Variants in ZNF469 observed in about 807,000 individuals in gnomAD.
ZNF469 encodes zinc finger protein 469.
A neutral mutation model predicts 1.0 loss-of-function variants in ZNF469; 1 was observed. The ratio of observed to expected loss-of-function variants is 1.00; its 90% CI spans 0.35 to 4.73. ZNF469 has a LOEUF of 4.73. Ranked by LOEUF, ZNF469 falls within the 30% of genes most tolerant of loss-of-function variation. The pLI, the probability that ZNF469 is intolerant of heterozygous loss-of-function variation, is 0.16. For missense variants in ZNF469, 6,100 were observed against 5,356.3 expected (o/e 1.14, Z -4.33); for synonymous variants, 2,703 against 2,363.4 (o/e 1.14, Z -4.17).
Position 88,429,015 on chromosome 16 carries a change from G to T in ZNF469, c.1545G>T (p.Gly515=), listed in dbSNP as rs1262821202. ...CCGCGGGGGGCCCCGAGTGGCAGGG[G>T]GGCAGCCAAGGAGCCCTGGGCACTG... The part of the protein sequence containing the change: ...PFPAGGPEWQ[G]GSQGALGTAG... The change falls in exon 3 of 3, where the codon GGG becomes GGT. Residue 515 remains glycine, a synonymous_variant. Transcript: ENST00000565624. 5 of 1,549,294 alleles carry T rather than the reference G, an allele frequency of 3.2e-6. No homozygotes were observed. The highest frequency in any genetic ancestry group is 3.5e-6 in the Non-Finnish European group (4 of 1,146,800).
chr16:88,275,571 C>G, the ZNF469 span, among the ~76,000 whole-genome samples: 1 of 152,218 alleles, frequency 6.6e-6, no homozygotes, highest in Non-Finnish European at 1.5e-5. Context: ...CCTTCCACCT[C>G]TGTCATCACC....
the ZNF469 span, among the ~76,000 whole-genome samples, chr16:88,327,601 A>G: frequency 6.6e-6 from 1 of 152,076 alleles, no homozygotes; most frequent in Non-Finnish European, 1.5e-5. Flanking sequence ...GCAGCAGGAC[A>G]GGGCACGTGC....
rs929337545 is a variant in ZNF469, at chr16:88,433,741, G to A, written c.6271G>A (p.Gly2091Ser). The part of the protein sequence containing the change: ...GRTPERASSP[G>S]LNKPLLATGD... ...GACTCCAGAGAGGGCGTCCAGCCCC[G>A]GCCTGAACAAGCCACTGCTGGCCAC... Residue 2091 changes from glycine (G) to serine (S), a missense_variant, in exon 3 of 3, where the codon GGC (glycine) becomes AGC (serine). Transcript: ENST00000565624. 2.5e-5 allele frequency: 38 copies of A among 1,548,788 alleles called. No individual in the cohort carries two copies. Among genetic ancestry groups the A allele is most frequent in the Admixed American group, 7.8e-5 (4 of 50,968 alleles).
At chr16:88,183,608 G>C in the ZNF469 span, among the ~76,000 whole-genome samples, 3 of 152,342 alleles carry the variant, frequency 2.0e-5, no homozygotes, top group Middle Eastern at 3.4e-3. Context: ...GACAGGTGGT[G>C]GTTGGAGGCC....
At chr16:88,215,538 C>G in the ZNF469 span, among the ~76,000 whole-genome samples, 11 of 151,562 alleles carry the variant, frequency 7.3e-5, no homozygotes, top group Non-Finnish European at 1.3e-4. Context: ...TACAGGCACC[C>G]ATCACCACCC....
chr16:88,433,052 G>A lies in ZNF469; in HGVS notation c.5582G>A (p.Gly1861Glu), dbSNP rs774853134. ...GAGGGTAATGAGTTTGCACCGGCGG[G>A]GGCCTCCTCACTGACTGCCCCCCGG... ...GFEGNEFAPA[G>E]ASSLTAPRGR... The change falls in exon 3 of 3, where the codon GGG (glycine) becomes GAG (glutamate). Residue 1861 changes from glycine to glutamate, a missense_variant. Gly to Glu is a moderately conservative substitution (Grantham distance 98, BLOSUM62 -2). Coordinates refer to ENST00000565624, the MANE Select transcript of ZNF469 (RefSeq NM_001367624.2). 2.6e-6 allele frequency: 4 copies of A among 1,550,148 alleles called. No homozygotes were observed. Among genetic ancestry groups the A allele is most frequent in the Non-Finnish European group, 3.5e-6 (4 of 1,146,952 alleles).
At chr16:88,319,410 G>A in the ZNF469 span, among the ~76,000 whole-genome samples, 5,861 of 152,216 alleles carry the variant, frequency 0.039, 161 homozygotes, top group Middle Eastern at 0.068. Flanking sequence ...ATTGGGCCCC[G>A]GGAGGAGGGG....
At chr16:88,371,049 CA>C in the ZNF469 span, among the ~76,000 whole-genome samples, 28 of 152,350 alleles carry the variant, frequency 1.8e-4, no homozygotes, top group East Asian at 1.9e-3. Context: ...TGGCTGAATG[CA>C]GATATCAGCC....
chr16:88,155,715 G>C, the ZNF469 span, among the ~76,000 whole-genome samples: 1 of 152,188 alleles, frequency 6.6e-6, no homozygotes, highest in African/African-American at 2.4e-5. Flanking sequence ...GGGAATTTAG[G>C]TCGTTTTCAC....
intron 1 of ZNF469, among the ~76,000 whole-genome samples, chr16:88,390,625 A>G (rs1303312611): frequency 1.3e-5 from 2 of 152,202 alleles, no homozygotes; most frequent in South Asian, 2.1e-4. Context: ...AGGGACGGCC[A>G]CAGTGCTAAC....
the ZNF469 span, among the ~76,000 whole-genome samples, chr16:88,210,534 C>T: frequency 6.6e-6 from 1 of 152,162 alleles, no homozygotes; most frequent in Non-Finnish European, 1.5e-5. Context: ...CTGACATTTC[C>T]TTCTAGCATT....
the ZNF469 span, among the ~76,000 whole-genome samples, chr16:88,370,754 AG>A: frequency 6.6e-6 from 1 of 152,190 alleles, no homozygotes; most frequent in African/African-American, 2.4e-5. Flanking sequence ...AGCTGTGGGA[AG>A]GGTGGGTGAC....
At chr16:88,415,984 T>C (rs1479271687) in intron 1 of ZNF469, among the ~76,000 whole-genome samples, 1 of 150,890 alleles carries the variant, frequency 6.6e-6, no homozygotes, top group Non-Finnish European at 1.5e-5. Context: ...CCCACCCAGC[T>C]CCCACCCCGG....
At position 88,437,480 on chromosome 16, in the gene ZNF469, G is replaced by A. The variant is rs756665535; in HGVS notation, c.10010G>A (p.Arg3337His). ...CACGAGGCCTGCAAGGACCCCTCCC[G>A]CGACTGCCACCACTGCGGGAAGCGC... ...PVHEACKDPS[R>H]DCHHCGKRFP... The change falls in exon 3 of 3, where the codon CGC (arginine) becomes CAC (histidine). Residue 3337 changes from arginine (R) to histidine (H), a missense_variant. Arg to His is a conservative substitution (Grantham distance 29, BLOSUM62 0). Coordinates refer to ENST00000565624, the MANE Select transcript of ZNF469 (RefSeq NM_001367624.2). The A allele has an allele frequency of 7.8e-6, 12 of 1,537,094 alleles. 1 individual carries two copies. The South Asian group carries it at 1.2e-4, about 15-fold the overall frequency.
At chr16:88,369,182 T>C in the ZNF469 span, among the ~76,000 whole-genome samples, 1 of 152,008 alleles carries the variant, frequency 6.6e-6, no homozygotes, top group African/African-American at 2.4e-5. Flanking sequence ...CTGCAGGCTT[T>C]CCAGAAAGTT....
the ZNF469 span, among the ~76,000 whole-genome samples, chr16:88,242,955 G>GAA: frequency 6.6e-6 from 1 of 152,238 alleles, no homozygotes; most frequent in Non-Finnish European, 1.5e-5. Flanking sequence ...AAAAGGAACA[G>GAA]AAGCCTTTGA....
chr16:88,266,199 C>T, the ZNF469 span, among the ~76,000 whole-genome samples: 1 of 152,270 alleles, frequency 6.6e-6, no homozygotes, highest in Non-Finnish European at 1.5e-5. Flanking sequence ...GGGCCCAGCC[C>T]TCCATGGAAT....
chr16:88,296,515 T>A, the ZNF469 span, among the ~76,000 whole-genome samples: 1 of 134,270 alleles, frequency 7.4e-6, no homozygotes, highest in African/African-American at 3.0e-5. Flanking sequence ...AAGCTCACCC[T>A]CCCCACACAC....
chr16:88,424,110 C>T lies in ZNF469; in HGVS notation c.-191-697C>T, dbSNP rs1045549147. On this transcript the variant is annotated intron_variant, in intron 1 of 2. Transcript: ENST00000565624. The surrounding 1 kb of genome is among the most constrained non-coding windows in gnomAD (Gnocchi z 4.3). ...AGCACAGGCTGTCGCCATGTGGTGA[C>T]CATTGCTGTATTGTTTCTAAGGGCC... is the stretch of plus-strand genomic sequence containing the variant. Among the ~76,000 whole-genome samples, 3 of 152,366 alleles carry T rather than the reference C, an allele frequency of 2.0e-5. No homozygotes were observed. The East Asian group carries it at 5.8e-4, about 29-fold the overall frequency.
Sources: allele counts gnomAD v4.1 joint callset (sites outside exome capture counted in the v4.1 genomes callset), GRCh38; gene constraint gnomAD v4.1.1; non-coding constraint Gnocchi (gnomAD v3.1); transcripts MANE v1.5; gene names NCBI Gene and HGNC (gene_info 2026-07-23, HGNC 2026-07-21).